KIF15: variants seen among roughly 807,000 people sequenced by gnomAD.
KIF15 encodes the protein kinesin family member 15.
KIF15 carries 140 observed loss-of-function variants against 190.6 expected under a neutral mutation model. The observed-to-expected ratio is 0.73, with a 90% CI of 0.64 to 0.84. The LOEUF is 0.84. KIF15 is among the 40% of genes least tolerant of loss of function. The probability of loss-of-function intolerance (pLI) is 0.00; values close to 1 mark genes in which losing one functional copy is unlikely to be tolerated. For synonymous variants in KIF15, 528 were observed against 551.3 expected, an observed-to-expected ratio of 0.96 and a Z score of 0.59; for missense variants, 1,372 against 1,584.4, an observed-to-expected ratio of 0.87 and a Z score of 2.28.
downstream of KIF15, among the ~76,000 whole-genome samples, chr3:44,857,000 C>G (rs1329631462): frequency 6.6e-6 from 1 of 152,160 alleles, no homozygotes; most frequent in Admixed American, 6.5e-5. Flanking sequence ...GAAGATACTA[C>G]AGCATAGCCT....
Position 44,774,434 on chromosome 3 carries a change from C to T in KIF15, c.59C>T (p.Pro20Leu). Residue 20 changes from proline (P) to leucine (L), a missense_variant, in exon 2 of 35, where the codon CCA becomes CTA. Transcript: ENST00000326047. ...GTGACAAATGGTCAGTCTAACCAAC[C>T]AAGGTAAGGAGAAAAATATTCTCAA... Reference protein sequence around the residue: ...RSVTNGQSNQPSNEGDAIKVF... With the variant: ...RSVTNGQSNQLSNEGDAIKVF... 4 of 1,611,562 alleles carry T rather than the reference C, an allele frequency of 2.5e-6. No homozygotes were observed. The highest frequency in any genetic ancestry group is 2.5e-6 in the Non-Finnish European group (3 of 1,178,614).
chr3:44,784,199 T>C (rs1706294651), intron 5 of KIF15, among the ~76,000 whole-genome samples: 1 of 152,142 alleles, frequency 6.6e-6, no homozygotes, highest in African/African-American at 2.4e-5. Flanking sequence ...TGAGACGGAG[T>C]CTCACTCTGT....
chr3:44,856,098 A>G (rs186208336), downstream of KIF15, among the ~76,000 whole-genome samples: 7,150 of 152,216 alleles, frequency 0.047, 207 homozygotes, highest in Middle Eastern at 0.082. Context: ...GACTGTATAG[A>G]GGTGGGAAGC....
At chr3:44,816,733 A>G (rs1373774768) in intron 20 of KIF15, among the ~76,000 whole-genome samples, 4 of 152,226 alleles carry the variant, frequency 2.6e-5, no homozygotes, top group Admixed American at 2.0e-4. Context: ...AGCATGATTT[A>G]TAATCCTTTG....
intron 20 of KIF15, among the ~76,000 whole-genome samples, chr3:44,820,986 C>T (rs1356891847): frequency 6.7e-6 from 1 of 148,282 alleles, no homozygotes; most frequent in African/African-American, 2.5e-5. Context: ...GGGGCTGACC[C>T]CCCCACCTCC....
At chr3:44,803,796 C>T (rs1447603601) in intron 14 of KIF15, among the ~76,000 whole-genome samples, 1 of 152,142 alleles carries the variant, frequency 6.6e-6, no homozygotes, top group East Asian at 1.9e-4. Flanking sequence ...TAATAAGAGT[C>T]ACAGTAACTG....
chr3:44,823,556 A>G (rs1034102331), intron 20 of KIF15, among the ~76,000 whole-genome samples: 2 of 152,218 alleles, frequency 1.3e-5, no homozygotes, highest in African/African-American at 4.8e-5. Context: ...GCTATCAGAC[A>G]GGGATGTTTA....
At chr3:44,793,639 T>C (rs1310723940) in intron 7 of KIF15, among the ~76,000 whole-genome samples, 1 of 152,202 alleles carries the variant, frequency 6.6e-6, no homozygotes, top group Non-Finnish European at 1.5e-5. Context: ...GGCTGTTGTG[T>C]ACCATTTGGA....
rs1315009990 is a variant in KIF15 at position 44,815,049 on chromosome 3, A to C, written c.2522A>C (p.His841Pro). Residue 841 changes from histidine to proline, a missense_variant, in exon 20 of 35, where the codon CAT becomes CCT. Physicochemically the swap from His to Pro is moderately conservative, Grantham distance 77. Coordinates refer to ENST00000326047, the MANE Select transcript of KIF15 (RefSeq NM_020242.3). ...EFNKLSERHM[H>P]VQLQLDNLRL... ...AACAAACTTTCCGAAAGACACATGC[A>C]TGTACAGCTTCAATTAGATAATCTC... 6.2e-7 allele frequency: 1 copy of C among 1,604,184 alleles called. No individual in the cohort carries two copies. The highest frequency in any genetic ancestry group is 8.5e-7 in the Non-Finnish European group (1 of 1,176,642).
intron 8 of KIF15, among the ~76,000 whole-genome samples, chr3:44,797,337 C>A (rs2125629708): frequency 6.6e-6 from 1 of 152,226 alleles, no homozygotes; most frequent in African/African-American, 2.4e-5. Flanking sequence ...CTGTGTTTGT[C>A]TTCTAATACT....
intron 6 of KIF15, chr3:44,863,300 A>AAC (rs1699280294): frequency 5.7e-5 from 2 of 35,058 alleles, no homozygotes; most frequent in Non-Finnish European, 1.2e-4. Flanking sequence ...TAGATTCCGC[A>AAC]CCCCCCCCCC....
At position 44,853,017 on chromosome 3, in the gene KIF15, G is replaced by A. The variant is rs533245606; in HGVS notation, c.*282G>A. 4 of 235,832 alleles carry A rather than the reference G, an allele frequency of 1.7e-5. No individual in the cohort carries two copies. In the South Asian group the frequency reaches 4.2e-4, roughly 25 times the overall value. The allele number at this position is 235,832 out of a possible 1,614,324, so 14.6% of individuals were successfully genotyped here. On this transcript the variant is annotated 3_prime_UTR_variant, in exon 35 of 35. Coordinates refer to ENST00000326047, the MANE Select transcript of KIF15 (RefSeq NM_020242.3). ...GTAAAAATAAAAGCCTGTAGCTAAG[G>A]TTTACAGTGGACATTAGCCAGATCA...
intron 26 of KIF15, among the ~76,000 whole-genome samples, chr3:44,832,319 C>A (rs2125701511): frequency 6.6e-6 from 1 of 152,200 alleles, no homozygotes; most frequent in South Asian, 2.1e-4. Flanking sequence ...TCAGCTGTAT[C>A]TTTTAGGAAA....
intron 26 of KIF15, among the ~76,000 whole-genome samples, chr3:44,832,036 C>A: frequency 6.6e-6 from 1 of 152,146 alleles, no homozygotes; most frequent in East Asian, 1.9e-4. Context: ...TACATCAAAG[C>A]ATGCATTCTA....
Position 44,852,327 on chromosome 3 carries a change from CA to C in KIF15, c.4093del (p.Arg1365GlyfsTer16). 1 of 1,609,410 alleles carries C rather than the reference CA, an allele frequency of 6.2e-7. No individual in the cohort carries two copies. Among genetic ancestry groups the C allele is most frequent in the Non-Finnish European group, 8.5e-7 (1 of 1,177,050 alleles). On this transcript the variant is annotated frameshift_variant, in exon 34 of 35. Coordinates refer to ENST00000326047, the MANE Select transcript of KIF15 (RefSeq NM_020242.3). LOFTEE classifies it high-confidence loss of function. Reference protein sequence around the residue: ...YVVRLKKENVRLAEETEKLRA... With the variant: ...YVVRLKKENVXLAEETEKLRA... ...TAGTGCGACTAAAGAAGGAAAATGT[CA>C]GGCTTGCTGAGGTAAACCTAAAAAT...
At chr3:44,840,949 C>G in intron 28 of KIF15, 125 bp from the exon 29 acceptor site, 7 of 892,380 alleles carry the variant, frequency 7.8e-6, no homozygotes, top group Non-Finnish European at 1.0e-5. Flanking sequence ...GCTAGGATTA[C>G]AGGTGTGAGC....
At chr3:44,822,437 T>A (rs1041582785) in intron 20 of KIF15, among the ~76,000 whole-genome samples, 3 of 152,174 alleles carry the variant, frequency 2.0e-5, no homozygotes, top group Non-Finnish European at 2.9e-5. Flanking sequence ...GCCCTTAACA[T>A]TTTTTCCTTC....
At chr3:44,817,288 T>C (rs1206187351) in intron 20 of KIF15, among the ~76,000 whole-genome samples, 1 of 152,230 alleles carries the variant, frequency 6.6e-6, no homozygotes, top group African/African-American at 2.4e-5. Flanking sequence ...CCATTGCTTT[T>C]GGTGTTTTAC....
chr3:44,846,340 G>T (rs1698845735), intron 30 of KIF15, among the ~76,000 whole-genome samples: 2 of 152,084 alleles, frequency 1.3e-5, no homozygotes, highest in African/African-American at 2.4e-5. Context: ...TGTATAACAG[G>T]TTAGTTTAGT....
Sources: gnomAD v4.1 joint callset for allele counts (sites outside exome capture counted in the v4.1 genomes callset) on GRCh38, gnomAD v4.1.1 for gene constraint, MANE v1.5 for transcripts, NCBI Gene and HGNC (gene_info 2026-07-23, HGNC 2026-07-21) for gene names.